The following LRRC69 variants were observed in gnomAD, a reference collection of about 807,000 sequenced individuals.
LRRC69 encodes the protein leucine-rich repeat-containing protein 69.
In LRRC69, 42 loss-of-function variants were observed where a neutral mutation model predicts 37.8. The observed-to-expected ratio is 1.11, with a 90% CI of 0.87 to 1.44. LRRC69 has a LOEUF of 1.44. LRRC69 is among the 40% of genes most tolerant of loss of function. LRRC69 has a pLI of 0.00. For synonymous variants in LRRC69, 141 were observed against 143.1 expected (o/e 0.99, Z 0.11); for missense variants, 357 against 401.9 (o/e 0.89, Z 0.96).
At chr8:91,124,606 A>G (rs1813687767) in exon 2 of LRRC69, 1 of 1,536,698 alleles carries the variant, frequency 6.5e-7, no homozygotes, top group Admixed American at 2.1e-5. Flanking sequence ...GTAGATTTGC[A>G]CCTGGAGCCT....
At chr8:91,104,562 A>G (rs993208780) in intron 1 of LRRC69, among the ~76,000 whole-genome samples, 1 of 151,872 alleles carries the variant, frequency 6.6e-6, no homozygotes, top group African/African-American at 2.4e-5. Flanking sequence ...TTCAAACTGT[A>G]TAATTTTTTT....
At chr8:91,194,360 A>G (rs1377153062) in intron 6 of LRRC69, among the ~76,000 whole-genome samples, 1 of 151,496 alleles carries the variant, frequency 6.6e-6, no homozygotes, top group African/African-American at 2.5e-5. Context: ...TGCTGGCCTC[A>G]TAAAATGAGT....
At chr8:91,192,002 C>A (rs1412265664) in intron 6 of LRRC69, among the ~76,000 whole-genome samples, 31 of 120,918 alleles carry the variant, frequency 2.6e-4, no homozygotes, top group African/African-American at 8.8e-4. Flanking sequence ...CCCCTCCCCC[C>A]ACCCCACAAC....
At chr8:91,160,851 G>C (rs1240870818) in intron 5 of LRRC69, among the ~76,000 whole-genome samples, 1 of 151,226 alleles carries the variant, frequency 6.6e-6, no homozygotes, top group Non-Finnish European at 1.5e-5. Context: ...TCCTTGTCTT[G>C]CTCCAGATTT....
At chr8:91,176,132 A>ATTTTTTTTT (rs1331458493) in intron 5 of LRRC69, among the ~76,000 whole-genome samples, 14 of 15,194 alleles carry the variant, frequency 9.2e-4, no homozygotes, top group African/African-American at 2.7e-3. Context: ...ATATATATAT[A>ATTTTTTTTT]TATTTTTTTT....
chr8:91,163,808 T>C (rs978462624), intron 5 of LRRC69, among the ~76,000 whole-genome samples: 1 of 150,678 alleles, frequency 6.6e-6, no homozygotes, highest in Non-Finnish European at 1.5e-5. Flanking sequence ...GATTATAGTT[T>C]TAAAATCAAT....
At chr8:91,128,898 A>G (rs1375086382) in intron 3 of LRRC69, among the ~76,000 whole-genome samples, 1 of 152,044 alleles carries the variant, frequency 6.6e-6, no homozygotes, top group Non-Finnish European at 1.5e-5. Context: ...CAGCCTCAGC[A>G]GGAAAGGCTG....
chr8:91,102,922 A>G (rs1813246743), intron 1 of LRRC69, 78 bp downstream of exon 1: 4 of 1,331,076 alleles, frequency 3.0e-6, no homozygotes, highest in Non-Finnish European at 4.1e-6. Context: ...GGTAAGAGAC[A>G]GAACAATAAC....
chr8:91,117,359 A>G (rs1301708806), intron 1 of LRRC69, among the ~76,000 whole-genome samples: 9 of 152,012 alleles, frequency 5.9e-5, no homozygotes, highest in African/African-American at 1.9e-4. Context: ...AGGATTTTTA[A>G]GACTAAAACT....
intron 1 of LRRC69, among the ~76,000 whole-genome samples, 197 bp from the exon 2 acceptor site, chr8:91,124,292 TTTAA>T (rs1349682118): frequency 3.9e-5 from 6 of 152,120 alleles, no homozygotes; most frequent in South Asian, 2.1e-4. Flanking sequence ...TAAATTGTGC[TTTAA>T]TTAACATAAA....
At chr8:91,153,426 C>T (rs528324556) in intron 5 of LRRC69, among the ~76,000 whole-genome samples, 13 of 150,286 alleles carry the variant, frequency 8.7e-5, no homozygotes, top group African/African-American at 2.4e-4. Flanking sequence ...CTCAGTGCCA[C>T]GTGGTACTTA....
intron 5 of LRRC69, among the ~76,000 whole-genome samples, chr8:91,154,235 C>T (rs1456760596): frequency 6.7e-6 from 1 of 150,298 alleles, no homozygotes; most frequent in Non-Finnish European, 1.5e-5. Flanking sequence ...AACCTACCAA[C>T]CAAAGAAAAA....
At chr8:91,171,212 A>T (rs922204983) in intron 5 of LRRC69, among the ~76,000 whole-genome samples, 2 of 152,020 alleles carry the variant, frequency 1.3e-5, no homozygotes, top group Non-Finnish European at 2.9e-5. Flanking sequence ...AACCATTTTT[A>T]CATTATTGTT....
intron 5 of LRRC69, among the ~76,000 whole-genome samples, chr8:91,181,217 G>C (rs1022583251): frequency 2.6e-5 from 4 of 152,108 alleles, no homozygotes; most frequent in Admixed American, 6.5e-5. Context: ...ATTGGTAGAA[G>C]TTTTTTTGTA....
At chr8:91,142,573 T>A (rs562456046) in intron 5 of LRRC69, among the ~76,000 whole-genome samples, 2 of 152,170 alleles carry the variant, frequency 1.3e-5, no homozygotes, top group East Asian at 3.9e-4. Context: ...ATCCCCTGGA[T>A]GCCTTCTTAA....
chr8:91,149,356 T>G (rs185944384), intron 5 of LRRC69, among the ~76,000 whole-genome samples: 100 of 152,066 alleles, frequency 6.6e-4, no homozygotes, highest in African/African-American at 2.1e-3. Flanking sequence ...TTTCTCCATT[T>G]CTTGTTTTTG....
exon 4 of LRRC69, chr8:91,133,265 A>C (rs1189919395): frequency 4.0e-6 from 6 of 1,518,924 alleles, no homozygotes; most frequent in Non-Finnish European, 5.3e-6. Context: ...AAGCTTCAGA[A>C]GCTTTTGCTA....
At chr8:91,157,879 T>C in intron 5 of LRRC69, 2 of 1,596,016 alleles carry the variant, frequency 1.3e-6, no homozygotes, top group Non-Finnish European at 1.7e-6. Context: ...CATTTTTAGA[T>C]AAGGGAGAGT....
intron 5 of LRRC69, among the ~76,000 whole-genome samples, chr8:91,141,825 CA>C (rs1407302225): frequency 1.3e-5 from 2 of 151,880 alleles, no homozygotes; most frequent in African/African-American, 4.8e-5. Context: ...TTGTTGAGTT[CA>C]AAATAATAAG....
Sources: allele counts gnomAD v4.1 joint callset (sites outside exome capture counted in the v4.1 genomes callset), GRCh38; gene constraint gnomAD v4.1.1; transcripts MANE v1.5; gene names NCBI Gene and HGNC (gene_info 2026-07-23, HGNC 2026-07-21).